Variants in MYO1C observed in about 807,000 individuals in gnomAD.
MYO1C encodes myosin IC, also known as unconventional myosin-Ic.
A neutral mutation model predicts 150.8 loss-of-function variants in MYO1C; 104 were observed. The ratio of observed to expected loss-of-function variants is 0.69; its 90% CI spans 0.59 to 0.81. The LOEUF is 0.81. Ranked by LOEUF, MYO1C falls within the 30% of genes least tolerant of loss-of-function variation. The pLI, the probability that MYO1C is intolerant of heterozygous loss-of-function variation, is 0.00. For synonymous variants in MYO1C, 663 were observed against 579.9 expected, an observed-to-expected ratio of 1.14 and a Z score of -2.06; for missense variants, 1,504 against 1,435.0, an observed-to-expected ratio of 1.05 and a Z score of -0.78.
In MYO1C at chr17:1,478,285, G is replaced by A; in HGVS notation, c.1296-93C>T. 6.5e-7 allele frequency: 1 copy of A among 1,549,576 alleles called. No homozygotes were observed. On this transcript the variant is annotated intron_variant, in intron 11 of 31. Coordinates refer to ENST00000648651, the MANE Select transcript of MYO1C (RefSeq NM_001080779.2). This position sits in a 1 kb window ranked among gnomAD's most constrained non-coding sequence, Gnocchi z 6.3. ...GACGACGCCCCTGAGCACAGGAGGT[G>A]AGAAACACAGAGACAGTCCCCGGCT...
chr17:1,472,725 A>T (rs114962349), intron 17 of MYO1C, among the ~76,000 whole-genome samples: 2 of 151,804 alleles, frequency 1.3e-5, no homozygotes, highest in East Asian at 3.9e-4. Flanking sequence ...CAAAGGGACA[A>T]TTCATCCAGT....
intron 19 of MYO1C, 41 bp from the exon 20 acceptor site, chr17:1,471,377 GCCT>G: frequency 6.4e-7 from 1 of 1,563,742 alleles, no homozygotes; most frequent in Non-Finnish European, 8.8e-7. Flanking sequence ...CCAGTCAGCA[GCCT>G]GCCCTGGGGA....
chr17:1,486,639 C>T (rs1031221288), intron 1 of MYO1C, among the ~76,000 whole-genome samples: 1 of 152,152 alleles, frequency 6.6e-6, no homozygotes, highest in African/African-American at 2.4e-5. Context: ...TCTCAGCCTC[C>T]CGAGTAGCTG....
intron 1 of MYO1C, among the ~76,000 whole-genome samples, chr17:1,490,028 A>T (rs1598351327): frequency 8.5e-6 from 1 of 117,590 alleles, no homozygotes. Flanking sequence ...TGACAGAGAC[A>T]CTGTCTCAAA....
rs1315277703 is a variant in MYO1C at position 1,486,704 on chromosome 17, C to CG, written c.76-2402dup. Among the ~76,000 whole-genome samples, 9 of 152,198 alleles carry CG rather than the reference C, an allele frequency of 5.9e-5. No homozygotes were observed. In the East Asian group the frequency reaches 1.5e-3, roughly 26 times the overall value. On this transcript the variant is annotated intron_variant, in intron 1 of 31. Transcript: ENST00000648651. ...CTAATTTTTGTATTTTTAGTAGAGA[C>CG]GGGGTTTTACCATGTTGGCCAAGCT... is the stretch of plus-strand genomic sequence containing the variant.
intron 25 of MYO1C, chr17:1,469,297 C>T (rs991304056): frequency 1.6e-5 from 9 of 563,546 alleles, no homozygotes; most frequent in African/African-American, 9.3e-5. Context: ...GGGGTAAATA[C>T]GGTAGGTGGG....
At chr17:1,492,199 A>G (rs779457538) in intron 1 of MYO1C, among the ~76,000 whole-genome samples, 74 of 152,356 alleles carry the variant, frequency 4.9e-4, no homozygotes, top group Non-Finnish European at 6.6e-4. Flanking sequence ...GGAAGAGTCA[A>G]GCCCAGACCT....
chr17:1,467,736 C>A (rs1319729124), intron 29 of MYO1C, 104 bp downstream of exon 29: 3 of 568,984 alleles, frequency 5.3e-6, no homozygotes, highest in African/African-American at 5.2e-5. Flanking sequence ...CATCCACCCT[C>A]CCACCTCCCC....
intron 31 of MYO1C, among the ~76,000 whole-genome samples, chr17:1,466,526 T>G (rs1442812941): frequency 6.6e-6 from 1 of 151,882 alleles, no homozygotes; most frequent in African/African-American, 2.4e-5. Context: ...ATGGGGTTTC[T>G]CCAGTTGGTC....
intron 27 of MYO1C, 55 bp from the exon 28 acceptor site, chr17:1,468,178 C>T: frequency 5.6e-6 from 9 of 1,611,258 alleles, no homozygotes; most frequent in East Asian, 4.5e-5. Context: ...AGGCTCCGCC[C>T]CTGCCCTGAC....
chr17:1,469,171 G>C, intron 25 of MYO1C: 1 of 369,798 alleles, frequency 2.7e-6, no homozygotes, highest in Non-Finnish European at 5.3e-6. Context: ...AAACAGAGTA[G>C]ACCGGGGTAA....
chr17:1,483,966 CG>C (rs1166580521), intron 2 of MYO1C, among the ~76,000 whole-genome samples, 181 bp downstream of exon 2: 3 of 151,668 alleles, frequency 2.0e-5, no homozygotes, highest in East Asian at 1.9e-4. Flanking sequence ...CGCTTGAACC[CG>C]GGGGGAGGAG....
intron 1 of MYO1C, chr17:1,485,790 C>CGAGG: frequency 1.1e-6 from 1 of 884,828 alleles, no homozygotes; most frequent in Non-Finnish European, 1.4e-6. Flanking sequence ...GCGGCGTCAG[C>CGAGG]GAGGGAGGGC....
At chr17:1,476,497 A>G (rs1444993630) in intron 14 of MYO1C, among the ~76,000 whole-genome samples, 2 of 152,126 alleles carry the variant, frequency 1.3e-5, no homozygotes, top group East Asian at 3.9e-4. Flanking sequence ...TCAATATATT[A>G]TTATGCAAAA....
At chr17:1,489,991 G>A (rs1384916945) in intron 1 of MYO1C, among the ~76,000 whole-genome samples, 1 of 139,090 alleles carries the variant, frequency 7.2e-6, no homozygotes, top group Non-Finnish European at 1.5e-5. Flanking sequence ...AGAGAGCTGA[G>A]ATCATGCCAC....
intron 7 of MYO1C, among the ~76,000 whole-genome samples, chr17:1,480,278 C>T (rs987962121): frequency 6.6e-6 from 1 of 151,528 alleles, no homozygotes; most frequent in African/African-American, 2.4e-5. Context: ...GAAACTCCGT[C>T]TCTACTAAAA....
chr17:1,469,584 TTA>T lies in MYO1C; in HGVS notation c.2555_2556del (p.Ile852LysfsTer14). On this transcript the variant is annotated frameshift_variant, in exon 25 of 32. Transcript: ENST00000648651. LOFTEE classifies it high-confidence loss of function. ...CGGCAGTATTTCCACACCATGTTCTTTATGCACAACTCCCGCAGAAGCTCTGA... is the reference window on the plus strand; with the variant it reads ...CGGCAGTATTTCCACACCATGTTCTTTGCACAACTCCCGCAGAAGCTCTGA... ...EASELLRELC[I>X]KNMVWKYCRS... 6.2e-7 allele frequency: 1 copy of T among 1,613,314 alleles called. No homozygotes were observed. The highest frequency in any genetic ancestry group is 8.5e-7 in the Non-Finnish European group (1 of 1,179,736).
chr17:1,465,721 C>A lies in MYO1C; in HGVS notation c.*5G>T. The A allele has an allele frequency of 7.5e-7, 1 of 1,325,018 alleles. No homozygotes were observed. Among genetic ancestry groups the A allele is most frequent in the South Asian group, 2.7e-5 (1 of 36,602 alleles). 82.1% of individuals were successfully genotyped at this position (1,325,018 alleles called of 1,614,324 possible). On this transcript the variant is annotated 3_prime_UTR_variant, in exon 32 of 32. Coordinates refer to ENST00000648651, the MANE Select transcript of MYO1C (RefSeq NM_001080779.2). ...GGCGTTGGGAGGGTCCAGTGGGCGC[C>A]TTTATCACCGAGAATTCAGCCGTGG...
intron 19 of MYO1C, 139 bp downstream of exon 19, chr17:1,471,768 G>T: frequency 1.1e-6 from 1 of 908,152 alleles, no homozygotes; most frequent in Non-Finnish European, 1.8e-6. Flanking sequence ...AGCACCAAGG[G>T]CCTCCACCAA....
Sources: allele counts gnomAD v4.1 joint callset (sites outside exome capture counted in the v4.1 genomes callset), GRCh38; gene constraint gnomAD v4.1.1; non-coding constraint Gnocchi (gnomAD v3.1); transcripts MANE v1.5; gene names NCBI Gene and HGNC (gene_info 2026-07-23, HGNC 2026-07-21).